METAP1D: variants seen among roughly 807,000 people sequenced by gnomAD.
METAP1D encodes the protein methionine aminopeptidase 1D, mitochondrial.
A neutral mutation model predicts 40.5 loss-of-function variants in METAP1D; 31 were observed. That is an observed-to-expected ratio of 0.77 (90% CI 0.58 to 1.03). The LOEUF is 1.03. Ranked by LOEUF, METAP1D falls within the 50% of genes least tolerant of loss-of-function variation. METAP1D has a pLI of 0.00. For synonymous variants in METAP1D, 151 were observed against 146.4 expected (o/e 1.03, Z -0.22); for missense variants, 411 against 420.7 (o/e 0.98, Z 0.20).
chr2:172,060,416 C>CACA (rs1690112551), intron 1 of METAP1D, among the ~76,000 whole-genome samples: 1 of 60,770 alleles, frequency 1.6e-5, no homozygotes, highest in East Asian at 3.4e-4. Flanking sequence ...GACCCTGTCT[C>CACA]AAAAAAAAAA....
intron 1 of METAP1D, among the ~76,000 whole-genome samples, chr2:172,011,713 A>T (rs145554006): frequency 7.7e-4 from 117 of 152,300 alleles, no homozygotes; most frequent in Non-Finnish European, 1.2e-3. Context: ...CTATTGTGGC[A>T]TGTGTCAGTT....
chr2:172,045,704 T>G (rs1454000772), intron 1 of METAP1D, among the ~76,000 whole-genome samples: 2 of 81,884 alleles, frequency 2.4e-5, no homozygotes, highest in East Asian at 2.5e-4. Flanking sequence ...TATATATGTG[T>G]GTGTGTGTGT....
chr2:172,080,369 G>A lies in METAP1D; in HGVS notation c.971G>A (p.Gly324Asp). 6.2e-7 allele frequency: 1 copy of A among 1,614,048 alleles called. No homozygotes were observed. Among genetic ancestry groups the A allele is most frequent in the Non-Finnish European group, 8.5e-7 (1 of 1,179,902 alleles). The change falls in exon 10 of 10, where the codon GGC (glycine) becomes GAC (aspartate). Residue 324 changes from glycine to aspartate, a missense_variant. By Grantham distance (94) the Gly-to-Asp change is moderately conservative (BLOSUM62 -1). Coordinates refer to ENST00000315796, the MANE Select transcript of METAP1D (RefSeq NM_199227.3). ...CACACGGTTCTGATCACGTCGAGGG[G>A]CGCGCAGATCCTGACCAAACTACCC... ...FEHTVLITSRGAQILTKLPHE... is the reference protein window; with the variant it reads ...FEHTVLITSRDAQILTKLPHE...
chr2:172,018,298 C>A (rs996678863), intron 1 of METAP1D, among the ~76,000 whole-genome samples: 1 of 151,924 alleles, frequency 6.6e-6, no homozygotes, highest in South Asian at 2.1e-4. Context: ...GGGCATGACC[C>A]TATAAGATTA....
At chr2:172,037,376 T>A (rs1689421043) in intron 1 of METAP1D, among the ~76,000 whole-genome samples, 1 of 151,998 alleles carries the variant, frequency 6.6e-6, no homozygotes, top group East Asian at 1.9e-4. Flanking sequence ...CTAAATTACG[T>A]CTTCCTACCT....
At chr2:172,057,539 G>A (rs1455144697) in intron 1 of METAP1D, among the ~76,000 whole-genome samples, 1 of 152,182 alleles carries the variant, frequency 6.6e-6, no homozygotes, top group African/African-American at 2.4e-5. Context: ...TTGGCTTAAG[G>A]TAGTGGGTGG....
At chr2:172,022,173 C>T (rs1040984686) in intron 1 of METAP1D, among the ~76,000 whole-genome samples, 3 of 152,184 alleles carry the variant, frequency 2.0e-5, no homozygotes, top group African/African-American at 7.2e-5. Context: ...CATGATCCCA[C>T]CCTGCCCCCA....
chr2:172,027,143 G>A (rs181021221), intron 1 of METAP1D, among the ~76,000 whole-genome samples: 1 of 152,292 alleles, frequency 6.6e-6, no homozygotes, highest in South Asian at 2.1e-4. Context: ...AGACACTAGG[G>A]TAGATGATAA....
chr2:172,003,879 C>T lies in METAP1D; in HGVS notation c.40+3870C>T, dbSNP rs572695596. ...TCCCGGGTTGAAGTGATTCTCCTGC[C>T]TCAGCCTCCCGAGTAGCTGGGACCA... On this transcript the variant is annotated intron_variant, in intron 1 of 9. Coordinates refer to ENST00000315796, the MANE Select transcript of METAP1D (RefSeq NM_199227.3). Among the ~76,000 whole-genome samples, 17 of 152,152 alleles carry T rather than the reference C, an allele frequency of 1.1e-4. No homozygotes were observed. The East Asian group carries it at 3.1e-3, about 28-fold the overall frequency.
chr2:172,014,929 G>A (rs1225538688), intron 1 of METAP1D, among the ~76,000 whole-genome samples: 1 of 152,178 alleles, frequency 6.6e-6, no homozygotes, highest in Non-Finnish European at 1.5e-5. Flanking sequence ...TGGGATTACA[G>A]GCGTCAGCCA....
chr2:172,004,881 T>C (rs1375685252), intron 1 of METAP1D, among the ~76,000 whole-genome samples: 3 of 152,130 alleles, frequency 2.0e-5, no homozygotes, highest in Non-Finnish European at 1.5e-5. Context: ...TACATACTTG[T>C]ATGTGTTTTC....
intron 1 of METAP1D, among the ~76,000 whole-genome samples, chr2:172,001,868 G>A (rs536135276): frequency 3.3e-5 from 5 of 151,918 alleles, no homozygotes; most frequent in African/African-American, 4.8e-5. Context: ...AGGCCAAGGC[G>A]GGCAGATCAC....
At chr2:172,030,158 C>T (rs1042908221) in intron 1 of METAP1D, among the ~76,000 whole-genome samples, 28 of 150,298 alleles carry the variant, frequency 1.9e-4, no homozygotes, top group African/African-American at 5.9e-4. Context: ...GGTGTGATCT[C>T]GGCTCACCAC....
chr2:172,041,726 T>TTATATATATATATATA lies in METAP1D; in HGVS notation c.41-19746_41-19731dup, dbSNP rs67708838. On this transcript the variant is annotated intron_variant, in intron 1 of 9. Coordinates refer to ENST00000315796, the MANE Select transcript of METAP1D (RefSeq NM_199227.3). Reference sequence around the variant, plus strand: ...TTTTAATTTCCTTACTCTAATTATTTTATATATATATATATATATATATAT... The same window carrying TTATATATATATATATA: ...TTTTAATTTCCTTACTCTAATTATTTTATATATATATATATATATATATATATATATATATATATAT... 5.3e-3 allele frequency among the ~76,000 whole-genome samples: 199 copies of TTATATATATATATATA among 37,534 alleles called. 2 individuals carry two copies. The highest frequency in any genetic ancestry group is 7.4e-3 in the South Asian group (8 of 1,078). The allele number at this position is 37,534 out of a possible 152,430, so 24.6% of individuals were successfully genotyped here.
chr2:172,022,181 C>T (rs573466294), intron 1 of METAP1D, among the ~76,000 whole-genome samples: 1 of 152,304 alleles, frequency 6.6e-6, no homozygotes, highest in South Asian at 2.1e-4. Context: ...CACCCTGCCC[C>T]CATGCAGACT....
Position 172,077,881 on chromosome 2 carries a change from A to G in METAP1D, c.789A>G (p.Glu263=). 1 of 1,604,254 alleles carries G rather than the reference A, an allele frequency of 6.2e-7. No homozygotes were observed. Among genetic ancestry groups the G allele is most frequent in the Non-Finnish European group, 8.5e-7 (1 of 1,171,866 alleles). ...GIGSYFHGHP[E]IWHHANDSDL... ...GATCTTACTTTCATGGACATCCAGA[A>G]ATTTGGCATCATGGTAAGAAAGTTC... The change falls in exon 7 of 10, where the codon GAA becomes GAG. Residue 263 remains glutamate (E), a synonymous_variant. Transcript: ENST00000315796.
rs1690664982 is a variant in METAP1D, at chr2:172,080,127, G to A, written c.851-1G>A. 1.2e-6 allele frequency: 2 copies of A among 1,613,328 alleles called. No individual in the cohort carries two copies. The highest frequency in any genetic ancestry group is 2.7e-5 in the African/African-American group (2 of 74,928). On this transcript the variant is annotated splice_acceptor_variant, in intron 8 of 9. Coordinates refer to ENST00000315796, the MANE Select transcript of METAP1D (RefSeq NM_199227.3). LOFTEE classifies it high-confidence loss of function. The stretch of plus-strand genomic sequence containing the variant: ...TGCAGTAAATATTTTTCCTCTTACA[G>A]AGCCAATCATCACGGAGGGATCCCC...
intron 1 of METAP1D, among the ~76,000 whole-genome samples, chr2:172,010,932 T>C (rs1208699986): frequency 1.3e-5 from 2 of 151,280 alleles, no homozygotes; most frequent in African/African-American, 4.9e-5. Context: ...CTTGTATTTT[T>C]AGTAGAGGTG....
At chr2:172,074,028 G>A (rs1690484829) in intron 6 of METAP1D, among the ~76,000 whole-genome samples, 1 of 152,078 alleles carries the variant, frequency 6.6e-6, no homozygotes, top group African/African-American at 2.4e-5. Flanking sequence ...GTTCTCTCTG[G>A]GCCCTTTTGC....
Sources: gnomAD v4.1 joint callset for allele counts (sites outside exome capture counted in the v4.1 genomes callset) on GRCh38, gnomAD v4.1.1 for gene constraint, MANE v1.5 for transcripts, NCBI Gene and HGNC (gene_info 2026-07-23, HGNC 2026-07-21) for gene names.